Variants in FRY observed in about 807,000 individuals in gnomAD.
The protein encoded by FRY is FRY microtubule binding protein, also known as protein furry homolog.
Under a neutral mutation model 348.4 loss-of-function variants are expected in FRY, and 128 were observed. That is an observed-to-expected ratio of 0.37 (90% CI 0.32 to 0.43). The LOEUF is 0.43. FRY is among the 20% of genes least tolerant of loss of function. The pLI, the probability that FRY is intolerant of heterozygous loss-of-function variation, is 1.00. For synonymous variants in FRY, 1,370 were observed against 1,374.7 expected (o/e 1.00, Z 0.08); for missense variants, 2,736 against 3,695.2 (o/e 0.74, Z 6.73).
chr13:32,216,938 A>G (rs1885026043), intron 35 of FRY, among the ~76,000 whole-genome samples: 1 of 152,236 alleles, frequency 6.6e-6, no homozygotes, highest in African/African-American at 2.4e-5. Flanking sequence ...TAAAAAGTGA[A>G]TGAAACCAAG....
chr13:32,278,978 G>T (rs189419263), intron 58 of FRY, among the ~76,000 whole-genome samples: 38 of 152,174 alleles, frequency 2.5e-4, no homozygotes, highest in African/African-American at 8.4e-4. Context: ...CCAGTGTGCC[G>T]TACTATAAAG....
chr13:32,205,892 C>T (rs1884326411), intron 31 of FRY, among the ~76,000 whole-genome samples: 2 of 151,748 alleles, frequency 1.3e-5, no homozygotes, highest in South Asian at 2.1e-4. Context: ...TGAACAAAGA[C>T]AGCCCAATGA....
intron 1 of FRY, among the ~76,000 whole-genome samples, chr13:32,062,027 C>T (rs1407250045): frequency 6.6e-6 from 1 of 151,954 alleles, no homozygotes; most frequent in Non-Finnish European, 1.5e-5. Flanking sequence ...GATTGAGTTG[C>T]TTGCTAATTA....
chr13:32,294,575 C>T lies in FRY; in HGVS notation c.8783+5C>T, dbSNP rs773470772. On this transcript the variant is annotated splice_donor_5th_base_variant and intron_variant, in intron 60 of 60. Coordinates refer to ENST00000542859, the MANE Select transcript of FRY (RefSeq NM_023037.3). Reference sequence around the variant, plus strand: ...GCGGCAGATCAGGGAGTGCAGGTGACTCTGCTATTTCTTTTAGAGGTGGTT... The same window carrying T: ...GCGGCAGATCAGGGAGTGCAGGTGATTCTGCTATTTCTTTTAGAGGTGGTT... 1 of 1,609,310 alleles carries T rather than the reference C, an allele frequency of 6.2e-7. No homozygotes were observed. Among genetic ancestry groups the T allele is most frequent in the South Asian group, 1.1e-5 (1 of 90,980 alleles).
intron 35 of FRY, among the ~76,000 whole-genome samples, chr13:32,216,784 T>G (rs1023626333): frequency 6.6e-6 from 1 of 152,244 alleles, no homozygotes; most frequent in African/African-American, 2.4e-5. Flanking sequence ...GGCCGATTTG[T>G]ATGAAACTAA....
intron 58 of FRY, chr13:32,287,925 T>C (rs566232450): frequency 3.5e-6 from 4 of 1,143,658 alleles, no homozygotes; most frequent in African/African-American, 1.6e-5. Flanking sequence ...CATTTAGGCA[T>C]GGACCCATAA....
intron 2 of FRY, among the ~76,000 whole-genome samples, chr13:32,081,549 T>C (rs892402694): frequency 6.6e-6 from 1 of 152,200 alleles, no homozygotes; most frequent in African/African-American, 2.4e-5. Context: ...GGTCTCGAAC[T>C]CATGACCTCA....
At chr13:32,115,570 C>G (rs889604386) in intron 3 of FRY, among the ~76,000 whole-genome samples, 35 of 152,180 alleles carry the variant, frequency 2.3e-4, no homozygotes, top group African/African-American at 8.2e-4. Context: ...AAAATAAAGT[C>G]TTCATACCAG....
chr13:32,078,936 C>T lies in FRY; in HGVS notation c.173C>T (p.Pro58Leu). ...PPTMLPINVDPDSKPGEYVLK... is the reference protein window; with the variant it reads ...PPTMLPINVDLDSKPGEYVLK... ...ACCATGCTACCCATCAATGTGGACC[C>T]AGACAGTAAACCAGGAGAATATGTC... Residue 58 changes from proline to leucine, a missense_variant, in exon 2 of 61, where the codon CCA (proline) becomes CTA (leucine). By Grantham distance (98) the Pro-to-Leu change is moderately conservative. Coordinates refer to ENST00000542859, the MANE Select transcript of FRY (RefSeq NM_023037.3). 1 of 1,613,792 alleles carries T rather than the reference C, an allele frequency of 6.2e-7. No homozygotes were observed. Among genetic ancestry groups the T allele is most frequent in the Non-Finnish European group, 8.5e-7 (1 of 1,179,682 alleles).
rs994500373 is a variant in FRY, at chr13:32,279,734, C to T, written c.8469+1186C>T. ...CTGTGTTAGAAACAGTACTTTATTA[C>T]GTAAAAAGAATCCAGTAAAGTCTGG... On this transcript the variant is annotated intron_variant, in intron 58 of 60. Coordinates refer to ENST00000542859, the MANE Select transcript of FRY (RefSeq NM_023037.3). Among the ~76,000 whole-genome samples, 6 of 152,290 alleles carry T rather than the reference C, an allele frequency of 3.9e-5. No individual in the cohort carries two copies. In the South Asian group the frequency reaches 1.0e-3, roughly 26 times the overall value.
At chr13:32,032,009 C>CTTTA in intron 1 of FRY, 144 bp downstream of exon 1, 1 of 615,172 alleles carries the variant, frequency 1.6e-6, no homozygotes, top group African/African-American at 1.9e-5. Flanking sequence ...CTCTTTCTTT[C>CTTTA]TTTCTTTCTT....
chr13:32,150,598 C>A (rs188604191), intron 14 of FRY, among the ~76,000 whole-genome samples: 4 of 151,994 alleles, frequency 2.6e-5, no homozygotes, highest in African/African-American at 9.7e-5. Flanking sequence ...TACCTCAACT[C>A]GCAGAAGAAT....
intron 14 of FRY, among the ~76,000 whole-genome samples, chr13:32,151,889 G>A (rs1206903187): frequency 6.6e-6 from 1 of 152,164 alleles, no homozygotes; most frequent in Non-Finnish European, 1.5e-5. Context: ...GATTATTTAT[G>A]TATGAAGAAC....
At chr13:32,095,229 G>A (rs996812340) in intron 2 of FRY, among the ~76,000 whole-genome samples, 1 of 149,172 alleles carries the variant, frequency 6.7e-6, no homozygotes, top group African/African-American at 2.5e-5. Flanking sequence ...TGAACTCCGT[G>A]TATATTTTGG....
chr13:32,189,653 G>T (rs1179393627), intron 28 of FRY, among the ~76,000 whole-genome samples: 1 of 151,890 alleles, frequency 6.6e-6, no homozygotes, highest in East Asian at 1.9e-4. Flanking sequence ...TCTTTAAAGT[G>T]TTAAAAAAAA....
At chr13:32,056,688 A>G (rs1482927578) in intron 1 of FRY, among the ~76,000 whole-genome samples, 1 of 152,226 alleles carries the variant, frequency 6.6e-6, no homozygotes, top group Non-Finnish European at 1.5e-5. Context: ...TATATTCTGT[A>G]CTATGTTATA....
intron 2 of FRY, among the ~76,000 whole-genome samples, chr13:32,084,424 G>A (rs1403219486): frequency 4.6e-5 from 7 of 152,032 alleles, no homozygotes; most frequent in East Asian, 3.9e-4. Flanking sequence ...GCCACCATGC[G>A]TTTATGCATG....
chr13:32,218,794 C>T lies in FRY; in HGVS notation c.4728C>T (p.Tyr1576=), dbSNP rs1482420208. 2 of 1,605,108 alleles carry T rather than the reference C, an allele frequency of 1.2e-6. No homozygotes were observed. The highest frequency in any genetic ancestry group is 1.1e-5 in the South Asian group (1 of 90,900). ...IRAHTRLESR[Y]SNSSGGSYDE... is the part of the protein sequence containing the mutation. ...CCCACACTCGCCTCGAGTCAAGATA[C>T]AGCAATAGCTCTGGAGGATCCTACG... The change falls in exon 36 of 61, where the codon TAC becomes TAT. Residue 1576 remains tyrosine (Y), a synonymous_variant. Transcript: ENST00000542859.
chr13:32,117,979 A>C (rs1878413005), intron 4 of FRY, among the ~76,000 whole-genome samples: 1 of 152,134 alleles, frequency 6.6e-6, no homozygotes, highest in African/African-American at 2.4e-5. Context: ...TGTGAGCAAA[A>C]CAAGGAAGTT....
Sources: gnomAD v4.1 joint callset for allele counts (sites outside exome capture counted in the v4.1 genomes callset) on GRCh38, gnomAD v4.1.1 for gene constraint, MANE v1.5 for transcripts, NCBI Gene and HGNC (gene_info 2026-07-23, HGNC 2026-07-21) for gene names.